The following TRABD2B variants were observed in gnomAD, a reference collection of about 807,000 sequenced individuals.
The protein encoded by TRABD2B is TraB domain containing 2B.
In TRABD2B, 14 loss-of-function variants were observed where a neutral mutation model predicts 40.1. The observed-to-expected ratio is 0.35, with a 90% CI of 0.23 to 0.55. TRABD2B has a LOEUF of 0.55. Among genes scored for constraint, TRABD2B ranks in the 20% least tolerant of loss-of-function variants. The probability of loss-of-function intolerance (pLI) is 0.90; values close to 1 mark genes in which losing one functional copy is unlikely to be tolerated. For synonymous variants in TRABD2B, 263 were observed against 277.0 expected, an observed-to-expected ratio of 0.95 and a Z score of 0.50; for missense variants, 541 against 648.6, an observed-to-expected ratio of 0.83 and a Z score of 1.80.
intron 2 of TRABD2B, among the ~76,000 whole-genome samples, chr1:47,847,467 T>C (rs938445254): frequency 6.6e-6 from 1 of 152,216 alleles, no homozygotes; most frequent in South Asian, 2.1e-4. Context: ...ATGAATTGAA[T>C]AGTTTTGACA....
chr1:47,981,019 CT>C (rs998563476), intron 2 of TRABD2B, among the ~76,000 whole-genome samples: 2 of 151,324 alleles, frequency 1.3e-5, no homozygotes, highest in Admixed American at 6.6e-5. Flanking sequence ...TTTTTCTTTT[CT>C]TTTTTTTTGA....
Position 47,996,595 on chromosome 1 carries a change from T to G in TRABD2B, c.102+93A>C. Reference sequence around the variant, plus strand: ...GGGGGTGGAGGTGGAGCGGGCGGGCTAAGGTGGGTGCGGAAGCAGGACCCA... The same window carrying G: ...GGGGGTGGAGGTGGAGCGGGCGGGCGAAGGTGGGTGCGGAAGCAGGACCCA... On this transcript the variant is annotated intron_variant, in intron 1 of 6. Coordinates refer to ENST00000606738, the MANE Select transcript of TRABD2B (RefSeq NM_001194986.2). This position sits in a 1 kb window ranked among gnomAD's most constrained non-coding sequence, Gnocchi z 4.6. The G allele has an allele frequency of 8.5e-7, 1 of 1,176,180 alleles. No homozygotes were observed. The highest frequency in any genetic ancestry group is 1.1e-6 in the Non-Finnish European group (1 of 949,034). 72.9% of individuals were successfully genotyped at this position (1,176,180 alleles called of 1,614,324 possible).
At chr1:47,886,367 C>T (rs1570212699) in intron 2 of TRABD2B, among the ~76,000 whole-genome samples, 1 of 152,178 alleles carries the variant, frequency 6.6e-6, no homozygotes, top group African/African-American at 2.4e-5. Context: ...CTCGGGCTCC[C>T]GTGGGGCAGG....
intron 2 of TRABD2B, among the ~76,000 whole-genome samples, chr1:47,873,817 A>G (rs1396748235): frequency 6.6e-6 from 1 of 152,320 alleles, no homozygotes; most frequent in East Asian, 1.9e-4. Flanking sequence ...ATTAATACAA[A>G]GGACTAAACA....
At chr1:47,834,333 G>A (rs2124461296) in intron 2 of TRABD2B, among the ~76,000 whole-genome samples, 1 of 152,302 alleles carries the variant, frequency 6.6e-6, no homozygotes, top group East Asian at 1.9e-4. Flanking sequence ...GGAAAAGCTA[G>A]GAAATAAGAT....
intron 2 of TRABD2B, among the ~76,000 whole-genome samples, chr1:47,963,464 G>T (rs1002650851): frequency 6.6e-6 from 1 of 152,174 alleles, no homozygotes; most frequent in Non-Finnish European, 1.5e-5. Context: ...AAAAGAGCAG[G>T]CCCTTGCTTT....
In TRABD2B at chr1:47,994,254, TA is replaced by T; in HGVS notation, c.445del (p.Tyr149ThrfsTer18). On this transcript the variant is annotated frameshift_variant, in exon 2 of 7. Coordinates refer to ENST00000606738, the MANE Select transcript of TRABD2B (RefSeq NM_001194986.2). LOFTEE classifies it high-confidence loss of function. This position sits in a 1 kb window ranked among gnomAD's most constrained non-coding sequence, Gnocchi z 6.7. ...GTTGCCCGCGATGGCATTGAATAGGTAGTCAGCATAGAGCCCCTTGCCCCGC... is the reference window on the plus strand; with the variant it reads ...GTTGCCCGCGATGGCATTGAATAGGTGTCAGCATAGAGCCCCTTGCCCCGC... ...AQRGKGLYAD[Y>X]LFNAIAGNWE... 6.5e-7 allele frequency: 1 copy of T among 1,538,468 alleles called. No homozygotes were observed. The highest frequency in any genetic ancestry group is 8.7e-7 in the Non-Finnish European group (1 of 1,147,660).
chr1:47,803,670 T>C (rs1644853511), intron 2 of TRABD2B, among the ~76,000 whole-genome samples: 1 of 152,240 alleles, frequency 6.6e-6, no homozygotes, highest in African/African-American at 2.4e-5. Context: ...AACATTATAT[T>C]GTATTTGCTG....
rs535140112 is a variant in TRABD2B, at chr1:47,872,161, G to A, written c.667-70542C>T. On this transcript the variant is annotated intron_variant, in intron 2 of 6. Transcript: ENST00000606738. ...TGGCAGCACTAGTCCCATCCTCTCT[G>A]GGGACCCTATGTCTGTGGGCTCAGG... is the stretch of plus-strand genomic sequence containing the variant. 1.4e-4 allele frequency among the ~76,000 whole-genome samples: 22 copies of A among 152,282 alleles called. No individual in the cohort carries two copies. In the South Asian group the frequency reaches 3.1e-3, roughly 22 times the overall value.
chr1:47,842,332 G>T (rs1367954655), intron 2 of TRABD2B, among the ~76,000 whole-genome samples: 1 of 152,082 alleles, frequency 6.6e-6, no homozygotes, highest in Non-Finnish European at 1.5e-5. Flanking sequence ...CCACCCCCAG[G>T]GCTCAGGGGA....
intron 2 of TRABD2B, among the ~76,000 whole-genome samples, chr1:47,966,293 T>C (rs1216461166): frequency 1.3e-5 from 2 of 152,198 alleles, no homozygotes; most frequent in East Asian, 1.9e-4. Context: ...CTGGCCACGC[T>C]TGTCAGTATT....
intron 2 of TRABD2B, among the ~76,000 whole-genome samples, chr1:47,953,084 A>G (rs1052536406): frequency 3.9e-5 from 6 of 152,104 alleles, no homozygotes; most frequent in African/African-American, 1.4e-4. Context: ...TTGGGGGAAC[A>G]TTTGCTTTAA....
chr1:47,806,598 G>C (rs553569920), intron 2 of TRABD2B, among the ~76,000 whole-genome samples: 2 of 152,290 alleles, frequency 1.3e-5, no homozygotes, highest in South Asian at 2.1e-4. Flanking sequence ...AGGAGCTCCA[G>C]AGCATCCTCT....
intron 2 of TRABD2B, among the ~76,000 whole-genome samples, chr1:47,873,741 T>A (rs1644178021): frequency 6.6e-6 from 1 of 152,214 alleles, no homozygotes; most frequent in South Asian, 2.1e-4. Flanking sequence ...GAATCTATTG[T>A]GTGCCAGGCC....
rs1570041604 is a variant in TRABD2B, at chr1:47,820,816, AC to A, written c.667-19198del. On this transcript the variant is annotated intron_variant, in intron 2 of 6. Transcript: ENST00000606738. ...CACACACACACACACACACACACACACACACAAAATCTTACTTACTCTTCCC... is the reference window on the plus strand; with the variant it reads ...CACACACACACACACACACACACACAACACAAAATCTTACTTACTCTTCCC... 5.3e-5 allele frequency among the ~76,000 whole-genome samples: 8 copies of A among 152,006 alleles called. No individual in the cohort carries two copies. In the East Asian group the frequency reaches 1.5e-3, roughly 29 times the overall value.
At chr1:47,837,701 T>A (rs1645338171) in intron 2 of TRABD2B, among the ~76,000 whole-genome samples, 1 of 152,172 alleles carries the variant, frequency 6.6e-6, no homozygotes. Context: ...CTCTGAGTGA[T>A]GAGCGGAAAA....
intron 2 of TRABD2B, among the ~76,000 whole-genome samples, chr1:47,926,784 T>A (rs1310921346): frequency 6.6e-6 from 1 of 152,162 alleles, no homozygotes; most frequent in Non-Finnish European, 1.5e-5. Context: ...CACAGACTGG[T>A]GCCAACTACT....
intron 2 of TRABD2B, among the ~76,000 whole-genome samples, chr1:47,974,922 A>G (rs144156795): frequency 1.4e-4 from 21 of 152,302 alleles, no homozygotes; most frequent in African/African-American, 5.1e-4. Flanking sequence ...TCCCCAAAAC[A>G]CACAATTCCA....
intron 2 of TRABD2B, among the ~76,000 whole-genome samples, chr1:47,959,772 C>T (rs1645482365): frequency 6.6e-6 from 1 of 152,154 alleles, no homozygotes; most frequent in Admixed American, 6.5e-5. Context: ...CAGCCCAATT[C>T]TACCAGAGGT....
Sources: gnomAD v4.1 joint callset for allele counts (sites outside exome capture counted in the v4.1 genomes callset) on GRCh38, gnomAD v4.1.1 for gene constraint, Gnocchi (gnomAD v3.1) non-coding constraint, MANE v1.5 for transcripts, NCBI Gene and HGNC (gene_info 2026-07-23, HGNC 2026-07-21) for gene names.